Variants in MACF1 observed in about 807,000 individuals in gnomAD.
MACF1 encodes microtubule-actin cross-linking factor 1.
MACF1 carries 193 observed loss-of-function variants against 854.8 expected under a neutral mutation model. The ratio of observed to expected loss-of-function variants is 0.23; its 90% confidence interval spans 0.20 to 0.25. The LOEUF (loss-of-function observed/expected upper bound fraction) is 0.25, where lower values mean the gene tolerates loss of function less well. MACF1 is among the 10% of genes least tolerant of loss of function. The probability of loss-of-function intolerance (pLI) is 1.00; values close to 1 mark genes in which losing one functional copy is unlikely to be tolerated. For synonymous variants in MACF1, 3,185 were observed against 3,226.7 expected (o/e 0.99, Z 0.44); for missense variants, 7,722 against 8,929.1 (o/e 0.86, Z 5.45).
At chr1:39,480,484 C>T (rs1644993363) in intron 98 of MACF1, among the ~76,000 whole-genome samples, 1 of 152,092 alleles carries the variant, frequency 6.6e-6, no homozygotes, top group Non-Finnish European at 1.5e-5. Context: ...TTAAATTTAG[C>T]CTAGCATGGT....
In MACF1 at chr1:39,331,749, C is replaced by T. The variant is rs780904628; in HGVS notation, c.5161C>T (p.Gln1721Ter). Residue 1721 changes from glutamine (Q) to a stop codon, truncating the protein, a stop_gained, in exon 37 of 101, where the codon CAG becomes TAG. Transcript: ENST00000564288. LOFTEE classifies it high-confidence loss of function. ...TCTGATGCAGCGATGTATTGTCCAC[C>T]AGGAATCAGGATTCAAATTACTGCC... is the stretch of plus-strand genomic sequence containing the variant. Reference protein sequence around the residue: ...LDLMQRCIVHQESGFKLLPVK... With the variant: ...LDLMQRCIVH 5.6e-6 allele frequency: 9 copies of T among 1,613,996 alleles called. No homozygotes were observed. Among genetic ancestry groups the T allele is most frequent in the Non-Finnish European group, 6.8e-6 (8 of 1,180,038 alleles).
Position 39,448,754 on chromosome 1 carries a change from C to G in MACF1, c.20249C>G (p.Ser6750Cys), listed in dbSNP as rs1644276090. Reference protein sequence around the residue: ...RDKWDTVCGKSVERQHKLEEA... With the variant: ...RDKWDTVCGKCVERQHKLEEA... The stretch of plus-strand genomic sequence containing the variant: ...AAATGGGATACTGTTTGTGGCAAGT[C>G]TGTGGAGCGGTGAGCATGAATGTCC... The change falls in exon 84 of 101, where the codon TCT (serine) becomes TGT (cysteine). Residue 6750 changes from serine (S) to cysteine (C), a missense_variant. Ser to Cys is a moderately radical substitution (Grantham distance 112, BLOSUM62 -1). Coordinates refer to ENST00000564288, the MANE Select transcript of MACF1 (RefSeq NM_001394062.1). 2 of 1,610,942 alleles carry G rather than the reference C, an allele frequency of 1.2e-6. No homozygotes were observed. The highest frequency in any genetic ancestry group is 2.7e-5 in the African/African-American group (2 of 74,758).
chr1:39,464,529 T>C (rs907973271), intron 94 of MACF1: 2 of 153,952 alleles, frequency 1.3e-5, no homozygotes, highest in African/African-American at 4.8e-5. Context: ...GGATTTTGTT[T>C]TCTTGTTTTT....
In MACF1 at chr1:39,309,555, C is replaced by T. The variant is rs761095056; in HGVS notation, c.2790-15C>T. 1 of 1,613,690 alleles carries T rather than the reference C, an allele frequency of 6.2e-7. No individual in the cohort carries two copies. ...GTCTTACAAAGGTAATAGTCAGGTTCTGTGTTATTTCTAGGGTCGAACAAT... is the reference window on the plus strand; with the variant it reads ...GTCTTACAAAGGTAATAGTCAGGTTTTGTGTTATTTCTAGGGTCGAACAAT... On this transcript the variant is annotated splice_polypyrimidine_tract_variant and intron_variant, in intron 23 of 100. Coordinates refer to ENST00000564288, the MANE Select transcript of MACF1 (RefSeq NM_001394062.1).
At chr1:39,296,730 A>AAAAGAAAG (rs202187123) in intron 20 of MACF1, among the ~76,000 whole-genome samples, 3 of 87,030 alleles carry the variant, frequency 3.4e-5, no homozygotes, top group African/African-American at 1.5e-4. Flanking sequence ...TGTCTAAATA[A>AAAAGAAAG]AAAGAAAGAA....
chr1:39,333,205 C>A lies in MACF1; in HGVS notation c.6617C>A (p.Thr2206Asn). The change falls in exon 37 of 101, where the codon ACT (threonine) becomes AAT (asparagine). Residue 2206 changes from threonine (T) to asparagine (N), a missense_variant. By Grantham distance (65) the Thr-to-Asn change is moderately conservative (BLOSUM62 0). This residue lies in a region of MACF1 where 1,531 missense variants were observed against 1,601.6 expected (regional missense o/e 0.96). Transcript: ENST00000564288. ...AAGTTACAAGTTCAGGTAAAGAAAA[C>A]TCTAGGTATAAAGTTAGAACTAAAG... is the stretch of plus-strand genomic sequence containing the variant. ...SKKLQVQVKKTLGIKLELKSE... is the reference protein window; with the variant it reads ...SKKLQVQVKKNLGIKLELKSE... The A allele has an allele frequency of 1.2e-6, 2 of 1,612,278 alleles. No individual in the cohort carries two copies. The highest frequency in any genetic ancestry group is 1.7e-6 in the Non-Finnish European group (2 of 1,179,614).
intron 40 of MACF1, among the ~76,000 whole-genome samples, chr1:39,343,586 C>T (rs1646981966): frequency 6.6e-6 from 1 of 152,206 alleles, no homozygotes; most frequent in Admixed American, 6.5e-5. Context: ...CTAGTTATAA[C>T]ATATGAATCC....
intron 49 of MACF1, among the ~76,000 whole-genome samples, chr1:39,362,560 C>T (rs1045229027): frequency 3.9e-5 from 6 of 152,026 alleles, no homozygotes; most frequent in South Asian, 2.1e-4. Flanking sequence ...TGATACTTAA[C>T]GTTTTCCCAA....
At chr1:39,216,778 A>G (rs57005889) in intron 1 of MACF1, among the ~76,000 whole-genome samples, 7 of 152,046 alleles carry the variant, frequency 4.6e-5, no homozygotes, top group Admixed American at 4.6e-4. Flanking sequence ...AACGTATAGC[A>G]AAAGGGCCTT....
chr1:39,370,223 C>T lies in MACF1; in HGVS notation c.13095+37C>T, dbSNP rs1649106635. ...AAGGGACTCCAAGAATTGGGCTAGG[C>T]ACTGGTTTGAATACTTGTATTAACT... On this transcript the variant is annotated intron_variant, in intron 51 of 100. Coordinates refer to ENST00000564288, the MANE Select transcript of MACF1 (RefSeq NM_001394062.1). The T allele has an allele frequency of 3.8e-6, 6 of 1,562,592 alleles. No individual in the cohort carries two copies. In the South Asian group the frequency reaches 7.1e-5, roughly 19 times the overall value.
intron 2 of MACF1, among the ~76,000 whole-genome samples, chr1:39,127,933 A>T (rs915626961): frequency 1.3e-5 from 2 of 152,256 alleles, no homozygotes; most frequent in Non-Finnish European, 2.9e-5. Context: ...TTATTACAAA[A>T]TTAAACATGT....
chr1:39,360,804 A>G lies in MACF1; in HGVS notation c.12256A>G (p.Ser4086Gly). The G allele has an allele frequency of 1.2e-6, 2 of 1,608,082 alleles. No homozygotes were observed. Among genetic ancestry groups the G allele is most frequent in the Non-Finnish European group, 8.5e-7 (1 of 1,176,838 alleles). The change falls in exon 48 of 101, where the codon AGC becomes GGC. Residue 4086 changes from serine (S) to glycine (G), a missense_variant. Around this residue, in one of 15 missense-constraint regions of MACF1, gnomAD observed 2,807 missense variants for 3,235.8 expected, o/e 0.87. Transcript: ENST00000564288. Reference protein sequence around the residue: ...HVQETTDSILSHFQSLSYSLA... With the variant: ...HVQETTDSILGHFQSLSYSLA... ...GCCTGATTTTTCAGATTCCATACTC[A>G]GCCACTTCCAAAGCCTCTCCTATAG...
At chr1:39,475,212 A>G (rs532049814) in intron 97 of MACF1, among the ~76,000 whole-genome samples, 3 of 152,364 alleles carry the variant, frequency 2.0e-5, no homozygotes, top group East Asian at 3.9e-4. Context: ...AAAACCCTAG[A>G]AAACCTCACT....
intron 1 of MACF1, among the ~76,000 whole-genome samples, chr1:39,228,523 A>G (rs1410610329): frequency 1.3e-5 from 2 of 152,184 alleles, no homozygotes; most frequent in African/African-American, 2.4e-5. Context: ...GATGTTGGAT[A>G]ACTGAATCAG....
chr1:39,276,940 G>A (rs1254971183), intron 6 of MACF1, among the ~76,000 whole-genome samples: 1 of 152,010 alleles, frequency 6.6e-6, no homozygotes, highest in Non-Finnish European at 1.5e-5. Flanking sequence ...TTTTTGTAGA[G>A]ATCAACTGAC....
intron 88 of MACF1, 111 bp downstream of exon 88, chr1:39,453,961 A>G: frequency 1.5e-6 from 2 of 1,299,120 alleles, no homozygotes; most frequent in South Asian, 3.1e-5. Flanking sequence ...TGAATAACTC[A>G]GCAAAAATTA....
chr1:39,155,128 G>C (rs145614731), intron 2 of MACF1, among the ~76,000 whole-genome samples: 61 of 152,214 alleles, frequency 4.0e-4, no homozygotes, highest in African/African-American at 1.4e-3. Context: ...AAAGATCCCT[G>C]GTCTCCAAGA....
intron 1 of MACF1, among the ~76,000 whole-genome samples, chr1:39,226,628 C>T (rs551020037): frequency 2.6e-5 from 4 of 152,104 alleles, no homozygotes; most frequent in South Asian, 2.1e-4. Context: ...TGTGAGCCAC[C>T]GCGCCTGGCC....
chr1:39,344,989 G>A (rs1473244510), intron 40 of MACF1, among the ~76,000 whole-genome samples: 1 of 152,004 alleles, frequency 6.6e-6, no homozygotes, highest in East Asian at 1.9e-4. Flanking sequence ...TGTGGAGGTG[G>A]GCAGGGCCTC....
Sources: allele counts gnomAD v4.1 joint callset (sites outside exome capture counted in the v4.1 genomes callset), GRCh38; gene constraint gnomAD v4.1.1; regional missense constraint gnomAD v4.1.1; transcripts MANE v1.5; gene names NCBI Gene and HGNC (gene_info 2026-07-23, HGNC 2026-07-21).